The following LPA variants were observed in gnomAD, a reference collection of about 807,000 sequenced individuals.
LPA encodes the protein apolipoprotein(a).
Under a neutral mutation model 197.9 loss-of-function variants are expected in LPA, and 199 were observed. The ratio of observed to expected loss-of-function variants is 1.01; its 90% CI spans 0.90 to 1.13. The LOEUF (loss-of-function observed/expected upper bound fraction) is 1.13. LPA is among the 50% of genes most tolerant of loss of function. The pLI is 0.00. For synonymous variants in LPA, 715 were observed against 639.5 expected (o/e 1.12, Z -1.78); for missense variants, 1,853 against 1,785.8 (o/e 1.04, Z -0.68).
chr6:160,562,080 C>A (rs971101579), intron 28 of LPA, among the ~76,000 whole-genome samples: 3 of 152,140 alleles, frequency 2.0e-5, no homozygotes, highest in African/African-American at 7.2e-5. Context: ...GCCTGATTGC[C>A]CTGGACAGAA....
chr6:160,608,515 GT>G (rs1779409091), intron 16 of LPA, among the ~76,000 whole-genome samples: 1 of 152,082 alleles, frequency 6.6e-6, no homozygotes, highest in South Asian at 2.1e-4. Context: ...CTCATAAGAA[GT>G]TTCTTGTTAT....
Position 160,646,402 on chromosome 6 carries a change from A to G in LPA, c.210-7T>C, listed in dbSNP as rs1239225300. On this transcript the variant is annotated splice_polypyrimidine_tract_variant and splice_region_variant and intron_variant, in intron 2 of 38. Transcript: ENST00000316300. The stretch of plus-strand genomic sequence containing the variant: ...GTAGTTCATGATCAAGCCACTGGAA[A>G]TTCCAAAACGATACACGTCACAAGA... 3.2e-5 allele frequency: 1 copy of G among 31,708 alleles called. No homozygotes were observed. Among genetic ancestry groups the G allele is most frequent in the Non-Finnish European group, 5.6e-5 (1 of 17,968 alleles). 2.0% of individuals were successfully genotyped at this position (31,708 alleles called of 1,614,324 possible). A position where few individuals can be genotyped will look rare whatever the true frequency, so the allele number is the denominator to read the frequency against.
chr6:160,569,286 A>C (rs1326348592), intron 28 of LPA, among the ~76,000 whole-genome samples: 2 of 152,152 alleles, frequency 1.3e-5, no homozygotes, highest in African/African-American at 4.8e-5. Flanking sequence ...AAACAGAGAT[A>C]TAGACCAATG....
intron 26 of LPA, among the ~76,000 whole-genome samples, chr6:160,584,231 TTCTTCTTCC>T (rs773454953): frequency 0.017 from 1,386 of 83,272 alleles, 10 homozygotes; most frequent in East Asian, 0.061. Flanking sequence ...CTTCTTCTTC[TTCTTCTTCC>T]TCCTCCTCCT....
rs1419730183 is a variant in LPA at position 160,595,533 on chromosome 6, C to A, written c.3290G>T (p.Gly1097Val). Residue 1097 changes from glycine to valine, a missense_variant and splice_region_variant, in exon 21 of 39, where the codon GGC (glycine) becomes GTC (valine). Around this residue, in one of 3 missense-constraint regions of LPA, gnomAD observed 1,737 missense variants for 1,504.4 expected, o/e 1.15. Transcript: ENST00000316300. ...ATTCCTGCAGTAGTTCCTGGTCAGG[C>A]CACTGCAAATTTCAAAACAACACAG... ...SRTPENYPNA[G>V]LTRNYCRNPD... The A allele has an allele frequency of 1.1e-5, 18 of 1,613,788 alleles. 1 individual carries two copies. In the East Asian group the frequency reaches 4.0e-4, roughly 36 times the overall value.
chr6:160,610,911 G>C (rs557439390), intron 16 of LPA, among the ~76,000 whole-genome samples: 3 of 152,126 alleles, frequency 2.0e-5, no homozygotes, highest in Non-Finnish European at 4.4e-5. Context: ...TTTGGTTGTT[G>C]ATTATGGCCA....
intron 28 of LPA, among the ~76,000 whole-genome samples, chr6:160,563,445 T>A (rs1292328564): frequency 6.6e-6 from 1 of 152,256 alleles, no homozygotes; most frequent in Non-Finnish European, 1.5e-5. Flanking sequence ...TTTGTTATGA[T>A]TTCCATTCTA....
At chr6:160,634,720 A>AT (rs1019541338) in intron 7 of LPA, among the ~76,000 whole-genome samples, 1 of 151,906 alleles carries the variant, frequency 6.6e-6, no homozygotes, top group Non-Finnish European at 1.5e-5. Context: ...CCAGAGCCAC[A>AT]TTTTTTGAAA....
At chr6:160,544,772 T>A (rs1778038014) in intron 33 of LPA, among the ~76,000 whole-genome samples, 1 of 152,182 alleles carries the variant, frequency 6.6e-6, no homozygotes, top group Admixed American at 6.5e-5. Flanking sequence ...AGTGGCTTTT[T>A]TTCCCCCATG....
intron 16 of LPA, among the ~76,000 whole-genome samples, chr6:160,608,141 A>T (rs1031937077): frequency 6.6e-6 from 1 of 152,162 alleles, no homozygotes; most frequent in African/African-American, 2.4e-5. Flanking sequence ...TTGCATTTAC[A>T]TCTACATTTG....
chr6:160,569,627 C>A (rs1040753548), intron 28 of LPA, among the ~76,000 whole-genome samples: 7 of 152,024 alleles, frequency 4.6e-5, no homozygotes, highest in Non-Finnish European at 4.4e-5. Flanking sequence ...CCAAAATTGA[C>A]CAATGGGATC....
At chr6:160,647,021 G>T (rs1271052940) in intron 2 of LPA, among the ~76,000 whole-genome samples, 2 of 152,162 alleles carry the variant, frequency 1.3e-5, no homozygotes, top group Non-Finnish European at 2.9e-5. Flanking sequence ...CGGTCAAGTA[G>T]GTTTGTTTCT....
At chr6:160,557,951 G>T (rs1426227523) in intron 28 of LPA, among the ~76,000 whole-genome samples, 5 of 149,298 alleles carry the variant, frequency 3.3e-5, no homozygotes, top group South Asian at 2.1e-4. Flanking sequence ...ACGGAGTCTC[G>T]CTCTGTCGCC....
Position 160,590,937 on chromosome 6 carries a change from TTC to T in LPA, c.3787+5_3787+6del. On this transcript the variant is annotated splice_donor_5th_base_variant and intron_variant, in intron 23 of 38. Transcript: ENST00000316300. ...AGGGTGTGGTTGTCTGGCCAGAGACTTCTTACCTTGTTCAGAAACAGCCGTGG... is the reference window on the plus strand; with the variant it reads ...AGGGTGTGGTTGTCTGGCCAGAGACTTTACCTTGTTCAGAAACAGCCGTGG... 6.2e-7 allele frequency: 1 copy of T among 1,613,940 alleles called. No individual in the cohort carries two copies. The highest frequency in any genetic ancestry group is 1.1e-5 in the South Asian group (1 of 91,086).
intron 24 of LPA, among the ~76,000 whole-genome samples, chr6:160,588,436 G>A (rs73784299): frequency 0.015 from 2,282 of 152,164 alleles, 59 homozygotes; most frequent in African/African-American, 0.052. Context: ...AATGTAGTGA[G>A]GTGTTTCTCC....
chr6:160,538,164 T>C (rs1777922661), intron 36 of LPA, among the ~76,000 whole-genome samples: 2 of 152,354 alleles, frequency 1.3e-5, no homozygotes, highest in Non-Finnish European at 2.9e-5. Context: ...TAAGGTTTCA[T>C]TTGAAAGGCA....
At chr6:160,590,407 C>T (rs946797961) in intron 23 of LPA, among the ~76,000 whole-genome samples, 2 of 152,128 alleles carry the variant, frequency 1.3e-5, no homozygotes, top group Admixed American at 6.5e-5. Context: ...GTGTGCAGCA[C>T]CTGCCTAAGA....
chr6:160,532,852 C>T (rs1042721485), intron 37 of LPA, among the ~76,000 whole-genome samples: 6 of 152,182 alleles, frequency 3.9e-5, no homozygotes, highest in Non-Finnish European at 8.8e-5. Context: ...GACCTGGATT[C>T]AACAATCTGG....
chr6:160,532,801 C>A, intron 37 of LPA, 152 bp from the exon 38 acceptor site: 1 of 671,398 alleles, frequency 1.5e-6, no homozygotes, highest in Non-Finnish European at 2.7e-6. Flanking sequence ...ACTCTCTGAC[C>A]CATTAAAGTG....
Sources: gnomAD v4.1 joint callset for allele counts (sites outside exome capture counted in the v4.1 genomes callset) on GRCh38, gnomAD v4.1.1 for gene constraint, gnomAD v4.1.1 regional missense constraint, MANE v1.5 for transcripts, NCBI Gene and HGNC (gene_info 2026-07-23, HGNC 2026-07-21) for gene names.